Variants in NRF1 observed in about 807,000 individuals in gnomAD.
NRF1 encodes nuclear respiratory factor 1, also known as alpha palindromic-binding protein.
Under a neutral mutation model 58.5 loss-of-function variants are expected in NRF1, and 5 were observed. That is an observed-to-expected ratio of 0.09 (90% confidence interval 0.04 to 0.18). The LOEUF (loss-of-function observed/expected upper bound fraction) is 0.18. Ranked by LOEUF, NRF1 falls within the 10% of genes least tolerant of loss-of-function variation. The probability of loss-of-function intolerance (pLI) is 1.00; values close to 1 mark genes in which losing one functional copy is unlikely to be tolerated. For missense variants in NRF1, 288 were observed against 657.7 expected (o/e 0.44, Z 6.15); for synonymous variants, 224 against 246.7 (o/e 0.91, Z 0.86).
At chr7:129,634,038 AAAAAGAT>A (rs1252028192) in intron 1 of NRF1, among the ~76,000 whole-genome samples, 4 of 87,092 alleles carry the variant, frequency 4.6e-5, no homozygotes, top group African/African-American at 1.1e-4. Context: ...TTAAAAAAAA[AAAAAGAT>A]ATATATATAT....
Position 129,613,293 on chromosome 7 carries a change from TTG to T in NRF1, c.-7+1485_-7+1486del, listed in dbSNP as rs560120370. Among the ~76,000 whole-genome samples, 5 of 151,372 alleles carry T rather than the reference TTG, an allele frequency of 3.3e-5. No individual in the cohort carries two copies. In the East Asian group the frequency reaches 5.8e-4, roughly 18 times the overall value. ...GGTGCTGGAGTCTTGGAGATGCTGT[TTG>T]TGTGTGTGTGTGTGTTTGATTCATT... On this transcript the variant is annotated intron_variant, in intron 1 of 10. Transcript: ENST00000393232.
At position 129,651,714 on chromosome 7, in the gene NRF1, G is replaced by A. The variant is rs187296178; in HGVS notation, c.-6-5632G>A. Among the ~76,000 whole-genome samples, 5 of 152,284 alleles carry A rather than the reference G, an allele frequency of 3.3e-5. No homozygotes were observed. The East Asian group carries it at 9.6e-4, about 29-fold the overall frequency. On this transcript the variant is annotated intron_variant, in intron 1 of 10. Transcript: ENST00000393232. ...GTTTGTCTCGAAGAACAGTGAAATG[G>A]ATGGAAAAATAGCATTTTAATGGTA...
chr7:129,622,923 A>G (rs1800832201), intron 1 of NRF1, among the ~76,000 whole-genome samples: 1 of 152,234 alleles, frequency 6.6e-6, no homozygotes, highest in African/African-American at 2.4e-5. Flanking sequence ...TATTCACACT[A>G]TCAATTTATT....
chr7:129,692,261 T>G (rs1012123142), intron 5 of NRF1, among the ~76,000 whole-genome samples: 1 of 152,208 alleles, frequency 6.6e-6, no homozygotes, highest in African/African-American at 2.4e-5. Flanking sequence ...GCCATCATAG[T>G]AGTTTTTTAA....
intron 2 of NRF1, among the ~76,000 whole-genome samples, chr7:129,664,026 G>A (rs1227154324): frequency 1.3e-5 from 2 of 150,788 alleles, no homozygotes; most frequent in Admixed American, 6.6e-5. Context: ...TCGCCAGGCC[G>A]AGGCAGGAGA....
chr7:129,640,796 G>C (rs950725376), intron 1 of NRF1, among the ~76,000 whole-genome samples: 3 of 152,028 alleles, frequency 2.0e-5, no homozygotes, highest in African/African-American at 7.3e-5. Flanking sequence ...GTCTTTCTTG[G>C]TCACAATTTG....
chr7:129,665,432 C>T (rs924149027), intron 2 of NRF1, among the ~76,000 whole-genome samples: 4 of 152,228 alleles, frequency 2.6e-5, no homozygotes, highest in Admixed American at 2.0e-4. Flanking sequence ...TGACCATTCA[C>T]TATATTGTGT....
chr7:129,669,461 A>T (rs1172326423), intron 2 of NRF1, among the ~76,000 whole-genome samples: 1 of 152,212 alleles, frequency 6.6e-6, no homozygotes, highest in African/African-American at 2.4e-5. Context: ...GTGTGAGTTG[A>T]TGAATGGATA....
At chr7:129,614,981 C>G (rs955452309) in intron 1 of NRF1, among the ~76,000 whole-genome samples, 1 of 152,072 alleles carries the variant, frequency 6.6e-6, no homozygotes, top group African/African-American at 2.4e-5. Context: ...AATTTAAGCT[C>G]CTGTGGTCTG....
At chr7:129,629,189 T>C (rs942594175) in intron 1 of NRF1, among the ~76,000 whole-genome samples, 5 of 152,222 alleles carry the variant, frequency 3.3e-5, no homozygotes, top group Admixed American at 3.3e-4. Flanking sequence ...ATATAGTTTG[T>C]CTGTCAGCCA....
rs761046406 is a variant in NRF1, at chr7:129,671,411, CA to C, written c.224-17del. Reference sequence around the variant, plus strand: ...TACAGGCAGCTGCCTAATCTCAGCACATACGTTATTATTTCAGGTCCTGTGG... The same window carrying C: ...TACAGGCAGCTGCCTAATCTCAGCACTACGTTATTATTTCAGGTCCTGTGG... On this transcript the variant is annotated splice_polypyrimidine_tract_variant and intron_variant, in intron 2 of 10. Transcript: ENST00000393232. 5 of 1,553,006 alleles carry C rather than the reference CA, an allele frequency of 3.2e-6. No homozygotes were observed. The East Asian group carries it at 1.1e-4, about 35-fold the overall frequency.
At chr7:129,722,667 C>T (rs1359830874) in intron 9 of NRF1, among the ~76,000 whole-genome samples, 1 of 152,108 alleles carries the variant, frequency 6.6e-6, no homozygotes, top group African/African-American at 2.4e-5. Context: ...TACCATACCA[C>T]ATTTTAGAAA....
intron 9 of NRF1, among the ~76,000 whole-genome samples, chr7:129,718,837 G>C (rs1335018340): frequency 6.6e-6 from 1 of 152,170 alleles, no homozygotes; most frequent in Non-Finnish European, 1.5e-5. Flanking sequence ...TCCACCATTT[G>C]ATCCTGAGAA....
At position 129,756,371 on chromosome 7, in the gene NRF1, A is replaced by G. The variant is rs571153290; in HGVS notation, c.*1190A>G. On this transcript the variant is annotated 3_prime_UTR_variant, in exon 11 of 11. Transcript: ENST00000393232. ...GGAAGGGAAGAAGGGACACCTGGCC[A>G]TAGAAAACAGCTGAGGGTGTTTGCT... 1.3e-5 allele frequency: 2 copies of G among 152,398 alleles called. No homozygotes were observed. The highest frequency in any genetic ancestry group is 2.1e-4 in the South Asian group (1 of 4,834). The allele number at this position is 152,398 out of a possible 1,614,324, so 9.4% of individuals were successfully genotyped here.
intron 10 of NRF1, among the ~76,000 whole-genome samples, chr7:129,728,383 C>T (rs925886976): frequency 1.4e-5 from 2 of 147,466 alleles, no homozygotes; most frequent in Non-Finnish European, 3.0e-5. Context: ...GCAAGAAAAT[C>T]GCTTGAACCC....
intron 4 of NRF1, among the ~76,000 whole-genome samples, chr7:129,688,203 T>C (rs1432556023): frequency 6.6e-6 from 1 of 152,194 alleles, no homozygotes; most frequent in Non-Finnish European, 1.5e-5. Context: ...CTTGGCTCAC[T>C]GCAACCTCCA....
intron 4 of NRF1, among the ~76,000 whole-genome samples, chr7:129,688,139 T>C (rs1802483185): frequency 6.6e-6 from 1 of 152,160 alleles, no homozygotes; most frequent in Non-Finnish European, 1.5e-5. Flanking sequence ...ATTTTAAAAT[T>C]ATTTATTTTT....
chr7:129,720,928 A>C (rs1803307356), intron 9 of NRF1, among the ~76,000 whole-genome samples: 1 of 152,150 alleles, frequency 6.6e-6, no homozygotes, highest in Admixed American at 6.5e-5. Flanking sequence ...TGGGAAGGGA[A>C]TCAAAGTGAA....
chr7:129,656,625 A>C (rs1268728029), intron 1 of NRF1, among the ~76,000 whole-genome samples: 1 of 151,842 alleles, frequency 6.6e-6, no homozygotes, highest in Non-Finnish European at 1.5e-5. Context: ...CCCAGGCTGG[A>C]GTACAATGGC....
Sources: allele counts gnomAD v4.1 joint callset (sites outside exome capture counted in the v4.1 genomes callset), GRCh38; gene constraint gnomAD v4.1.1; transcripts MANE v1.5; gene names NCBI Gene and HGNC (gene_info 2026-07-23, HGNC 2026-07-21).